DLG4: variants seen among roughly 807,000 people sequenced by gnomAD.
DLG4 encodes the protein disks large homolog 4.
DLG4 carries 7 observed loss-of-function variants against 93.8 expected under a neutral mutation model. That is an observed-to-expected ratio of 0.07 (90% confidence interval 0.04 to 0.14). The LOEUF (loss-of-function observed/expected upper bound fraction) is 0.14. Ranked by LOEUF, DLG4 falls within the 10% of genes least tolerant of loss-of-function variation. The probability of loss-of-function intolerance (pLI) is 1.00; values close to 1 mark genes in which losing one functional copy is unlikely to be tolerated. For synonymous variants in DLG4, 341 were observed against 387.6 expected (o/e 0.88, Z 1.41); for missense variants, 545 against 992.9 (o/e 0.55, Z 6.06).
upstream of DLG4, chr17:7,219,988 C>T: frequency 1.2e-6 from 2 of 1,602,772 alleles, no homozygotes; most frequent in Non-Finnish European, 1.7e-6. Flanking sequence ...TTCGGAGATG[C>T]AGGCGGCTCG....
chr17:7,193,915 T>C lies in DLG4; in HGVS notation c.1516-44A>G. On this transcript the variant is annotated intron_variant, in intron 13 of 19. Coordinates refer to ENST00000399506, the MANE Select transcript of DLG4 (RefSeq NM_001321075.3). This position sits in a 1 kb window ranked among gnomAD's most constrained non-coding sequence, Gnocchi z 6.7. ...CCACGGGGTTAGTTATGAGCTCAGC[T>C]CCATGAGCCCTCACACTTCCACCCA... The C allele has an allele frequency of 6.2e-7, 1 of 1,613,280 alleles. No individual in the cohort carries two copies. Among genetic ancestry groups the C allele is most frequent in the African/African-American group, 1.3e-5 (1 of 75,004 alleles).
chr17:7,208,151 T>A lies in DLG4; in HGVS notation c.96+23A>T, dbSNP rs748941220. 3 of 1,318,874 alleles carry A rather than the reference T, an allele frequency of 2.3e-6. No individual in the cohort carries two copies. The highest frequency in any genetic ancestry group is 9.8e-7 in the Non-Finnish European group (1 of 1,024,246). The allele number at this position is 1,318,874 out of a possible 1,614,324, so 81.7% of individuals were successfully genotyped here. A position where few individuals can be genotyped will look rare whatever the true frequency, so the allele number is the denominator to read the frequency against. On this transcript the variant is annotated intron_variant, in intron 2 of 19. Transcript: ENST00000399506. This position sits in a 1 kb window ranked among gnomAD's most constrained non-coding sequence, Gnocchi z 5.4. ...GTGGGACAAGTTCCTCTCCGCCACG[T>A]GCACCAGCTCGGGGGCGTTTACCTG...
chr17:7,218,725 C>A, upstream of DLG4: 1 of 1,557,828 alleles, frequency 6.4e-7, no homozygotes, highest in South Asian at 1.1e-5. Flanking sequence ...CCAGACTGTG[C>A]CCTTCACCCC....
Position 7,190,596 on chromosome 17 carries a change from T to A in DLG4, c.*112A>T. Reference sequence around the variant, plus strand: ...TGGATCCAGTTAGAAAGGAAATAAATAAGAAGGGGTGGGAGGGAGGCCGGG... The same window carrying A: ...TGGATCCAGTTAGAAAGGAAATAAAAAAGAAGGGGTGGGAGGGAGGCCGGG... On this transcript the variant is annotated 3_prime_UTR_variant, in exon 20 of 20. Transcript: ENST00000399506. 1.3e-6 allele frequency: 1 copy of A among 776,184 alleles called. No individual in the cohort carries two copies. The highest frequency in any genetic ancestry group is 2.2e-6 in the Non-Finnish European group (1 of 449,948). The allele number at this position is 776,184 out of a possible 1,614,324, so 48.1% of individuals were successfully genotyped here. A position where few individuals can be genotyped will look rare whatever the true frequency, so the allele number is the denominator to read the frequency against.
chr17:7,211,979 T>C (rs1199109943), intron 1 of DLG4, among the ~76,000 whole-genome samples: 1 of 152,094 alleles, frequency 6.6e-6, no homozygotes, highest in African/African-American at 2.4e-5. Context: ...CCGACCCCTC[T>C]ACAATTAAAG....
chr17:7,203,978 C>A lies in DLG4; in HGVS notation c.210+30G>T. On this transcript the variant is annotated intron_variant, in intron 4 of 19. Transcript: ENST00000399506. This position sits in a 1 kb window ranked among gnomAD's most constrained non-coding sequence, Gnocchi z 7.2. ...AAAGAAAGGTACAGACGGGAGGCCACGGGGACTGCCGATGGAGGAGCCTGC... is the reference window on the plus strand; with the variant it reads ...AAAGAAAGGTACAGACGGGAGGCCAAGGGGACTGCCGATGGAGGAGCCTGC... The A allele has an allele frequency of 6.2e-7, 1 of 1,607,950 alleles. No homozygotes were observed. The highest frequency in any genetic ancestry group is 8.5e-7 in the Non-Finnish European group (1 of 1,177,200).
rs1423687936 is a variant in DLG4 at position 7,191,640 on chromosome 17, C to G, written c.1976+253G>C. ...GGATTCGGACTCCAATTCCCAACAG[C>G]CCTAGAGGCCCTGACTCGCCCCAGC... On this transcript the variant is annotated intron_variant, in intron 18 of 19. Transcript: ENST00000399506. This position sits in a 1 kb window ranked among gnomAD's most constrained non-coding sequence, Gnocchi z 6.6. 2 of 591,348 alleles carry G rather than the reference C, an allele frequency of 3.4e-6. No individual in the cohort carries two copies. Among genetic ancestry groups the G allele is most frequent in the Non-Finnish European group, 6.1e-6 (2 of 330,128 alleles). The allele number at this position is 591,348 out of a possible 1,614,324, so 36.6% of individuals were successfully genotyped here. A position where few individuals can be genotyped will look rare whatever the true frequency, so the allele number is the denominator to read the frequency against.
At position 7,194,219 on chromosome 17, in the gene DLG4, G is replaced by A. The variant is rs2069651146; in HGVS notation, c.1478+100C>T. Reference sequence around the variant, plus strand: ...GGGCCCAACAGACAAACCCCTAGGAGTTCAGAGGGCAAACCCATCCCCTGT... The same window carrying A: ...GGGCCCAACAGACAAACCCCTAGGAATTCAGAGGGCAAACCCATCCCCTGT... On this transcript the variant is annotated intron_variant, in intron 12 of 19. Transcript: ENST00000399506. This position sits in a 1 kb window ranked among gnomAD's most constrained non-coding sequence, Gnocchi z 4.4. The A allele has an allele frequency of 1.4e-6, 2 of 1,467,468 alleles. No homozygotes were observed. Among genetic ancestry groups the A allele is most frequent in the East Asian group, 4.9e-5 (2 of 40,458 alleles). 90.9% of individuals were successfully genotyped at this position (1,467,468 alleles called of 1,614,324 possible). A position where few individuals can be genotyped will look rare whatever the true frequency, so the allele number is the denominator to read the frequency against.
chr17:7,217,923 G>T, upstream of DLG4: 4 of 1,112,336 alleles, frequency 3.6e-6, no homozygotes, highest in Non-Finnish European at 5.2e-6. Flanking sequence ...GTAGGGGGTC[G>T]GGTGTGAGGG....
At position 7,191,792 on chromosome 17, in the gene DLG4, T is replaced by C. The variant is rs1426757112; in HGVS notation, c.1976+101A>G. On this transcript the variant is annotated intron_variant, in intron 18 of 19. Transcript: ENST00000399506. This position sits in a 1 kb window ranked among gnomAD's most constrained non-coding sequence, Gnocchi z 6.6. Reference sequence around the variant, plus strand: ...CCCCCTCAGGGGCTGCTGAAACCGCTGTCCAGGGTTCTGAAGGGAGAGTTG... The same window carrying C: ...CCCCCTCAGGGGCTGCTGAAACCGCCGTCCAGGGTTCTGAAGGGAGAGTTG... 1 of 848,396 alleles carries C rather than the reference T, an allele frequency of 1.2e-6. No homozygotes were observed. Among genetic ancestry groups the C allele is most frequent in the South Asian group, 2.4e-5 (1 of 42,516 alleles). The allele number at this position is 848,396 out of a possible 1,614,324, so 52.6% of individuals were successfully genotyped here.
In DLG4 at chr17:7,203,464, A is replaced by T; in HGVS notation, c.465T>A (p.Ala155=). Residue 155 remains alanine, a synonymous_variant, in exon 6 of 20, where the codon GCT becomes GCA. Transcript: ENST00000399506. The surrounding 1 kb of genome is among the most constrained non-coding windows in gnomAD (Gnocchi z 7.2). ...TGAGCTTGATCTCCATGACCTTCTC[A>T]GCCGGGGGCTTCCGGCGCATGACAT... The part of the protein sequence containing the change: ...RLYVMRRKPP[A]EKVMEIKLIK... 6.2e-7 allele frequency: 1 copy of T among 1,612,354 alleles called. No individual in the cohort carries two copies. The highest frequency in any genetic ancestry group is 8.5e-7 in the Non-Finnish European group (1 of 1,178,548).
At chr17:7,215,996 AT>A (rs1007652506) in intron 1 of DLG4, among the ~76,000 whole-genome samples, 35 of 150,748 alleles carry the variant, frequency 2.3e-4, no homozygotes, top group African/African-American at 8.6e-4. Context: ...AGGTATCTGC[AT>A]CCCACCAGGA....
chr17:7,198,877 A>G (rs1171555564), intron 8 of DLG4, among the ~76,000 whole-genome samples: 4 of 147,696 alleles, frequency 2.7e-5, no homozygotes, highest in Admixed American at 6.7e-5. Context: ...TTAGCTGAGC[A>G]TGATGGCACT....
Position 7,207,691 on chromosome 17 carries a change from C to T in DLG4, c.96+483G>A, listed in dbSNP as rs531768161. 1.2e-4 allele frequency among the ~76,000 whole-genome samples: 19 copies of T among 152,040 alleles called. No homozygotes were observed. The East Asian group carries it at 1.7e-3, about 14-fold the overall frequency. ...GGGGATGCACACACCTCAACACACA[C>T]GCATACAGCACACGCACAGGCACAC... On this transcript the variant is annotated intron_variant, in intron 2 of 19. Transcript: ENST00000399506.
In DLG4 at chr17:7,192,957, C is replaced by T; in HGVS notation, c.1854G>A (p.Glu618=). Residue 618 remains glutamate, a synonymous_variant, in exon 17 of 20, where the codon GAG becomes GAA. Transcript: ENST00000399506. The part of the protein sequence containing the change: ...LYGTSVQSVR[E]VAEQGKHCIL... ...CGCCAGGTCCTACCTGCTCTGCCACCTCTCGCACGGACTGGACGCTGGTCC... is the reference window on the plus strand; with the variant it reads ...CGCCAGGTCCTACCTGCTCTGCCACTTCTCGCACGGACTGGACGCTGGTCC... The T allele has an allele frequency of 6.2e-7, 1 of 1,612,974 alleles. No homozygotes were observed. Among genetic ancestry groups the T allele is most frequent in the Non-Finnish European group, 8.5e-7 (1 of 1,179,394 alleles).
intron 1 of DLG4, among the ~76,000 whole-genome samples, chr17:7,214,245 T>C (rs907899198): frequency 1.3e-5 from 2 of 152,156 alleles, no homozygotes; most frequent in Admixed American, 6.5e-5. Flanking sequence ...TGAAGTTACT[T>C]GGACAATAGC....
Position 7,217,434 on chromosome 17 carries a change from GC to G in DLG4, c.-288del. 1 of 227,472 alleles carries G rather than the reference GC, an allele frequency of 4.4e-6. No individual in the cohort carries two copies. The highest frequency in any genetic ancestry group is 7.3e-6 in the Non-Finnish European group (1 of 136,580). 14.1% of individuals were successfully genotyped at this position (227,472 alleles called of 1,614,324 possible). A position where few individuals can be genotyped will look rare whatever the true frequency, so the allele number is the denominator to read the frequency against. On this transcript the variant is annotated 5_prime_UTR_variant, in exon 1 of 20. An upstream open reading frame in the 5' UTR loses its in-frame stop. Transcript: ENST00000399506. The stretch of plus-strand genomic sequence containing the variant: ...GGGGCGGGGGCACCGGGGGCTGGCA[GC>G]CCCGGAGTTCGGGGGCTGGGGCATG...
In DLG4 at chr17:7,193,254, AG is replaced by A; in HGVS notation, c.1694-138del. The stretch of plus-strand genomic sequence containing the variant: ...GAGCTGCCAGGGAGACCAAGACTGC[AG>A]AGGGCCAGAACCGCTTCCCCTAGCA... On this transcript the variant is annotated intron_variant, in intron 16 of 19. Transcript: ENST00000399506. This position sits in a 1 kb window ranked among gnomAD's most constrained non-coding sequence, Gnocchi z 6.7. 7.5e-7 allele frequency: 1 copy of A among 1,333,182 alleles called. No individual in the cohort carries two copies. 82.6% of individuals were successfully genotyped at this position (1,333,182 alleles called of 1,614,324 possible).
In DLG4 at chr17:7,196,700, T is replaced by A. The variant is rs953831246; in HGVS notation, c.1083+57A>T. 1.3e-5 allele frequency: 21 copies of A among 1,577,960 alleles called. No homozygotes were observed. Among genetic ancestry groups the A allele is most frequent in the Non-Finnish European group, 1.6e-5 (19 of 1,161,510 alleles). On this transcript the variant is annotated intron_variant, in intron 9 of 19. Transcript: ENST00000399506. The surrounding 1 kb of genome is among the most constrained non-coding windows in gnomAD (Gnocchi z 8.3). ...CCCATCCAGGCCCCTCCCCAAGAGC[T>A]CTGCGCTCTGCCCTGTGGGGAGGGG...
Sources: allele counts gnomAD v4.1 joint callset (sites outside exome capture counted in the v4.1 genomes callset), GRCh38; gene constraint gnomAD v4.1.1; non-coding constraint Gnocchi (gnomAD v3.1); transcripts MANE v1.5; gene names NCBI Gene and HGNC (gene_info 2026-07-23, HGNC 2026-07-21).